The following SLC7A9 variants were observed in gnomAD, a reference collection of about 807,000 sequenced individuals.
SLC7A9 encodes B(0,+)-type amino acid transporter 1.
A neutral mutation model predicts 54.1 loss-of-function variants in SLC7A9; 38 were observed. The ratio of observed to expected loss-of-function variants is 0.70; its 90% confidence interval spans 0.54 to 0.92. The LOEUF is 0.92. SLC7A9 is among the 40% of genes least tolerant of loss of function. The pLI, the probability that SLC7A9 is intolerant of heterozygous loss-of-function variation, is 0.00. For synonymous variants in SLC7A9, 264 were observed against 258.9 expected, an observed-to-expected ratio of 1.02 and a Z score of -0.19; for missense variants, 537 against 636.1, an observed-to-expected ratio of 0.84 and a Z score of 1.68.
At chr19:32,839,100 C>T (rs1319548221) in intron 11 of SLC7A9, among the ~76,000 whole-genome samples, 1 of 152,092 alleles carries the variant, frequency 6.6e-6, no homozygotes, top group Non-Finnish European at 1.5e-5. Context: ...TGTGCTTTCT[C>T]TCGTCCATGT....
At chr19:32,862,894 A>G (rs1968848352) in intron 4 of SLC7A9, 1 of 196,030 alleles carries the variant, frequency 5.1e-6, no homozygotes, top group Non-Finnish European at 1.0e-5. Flanking sequence ...GAGCGCAGCT[A>G]CTCATATACC....
chr19:32,843,727 CTCTT>C (rs1968194270), intron 10 of SLC7A9, 124 bp downstream of exon 10: 1 of 713,974 alleles, frequency 1.4e-6, no homozygotes, highest in Non-Finnish European at 2.6e-6. Flanking sequence ...TGTCCTGGGA[CTCTT>C]TCTATATCTG....
intron 9 of SLC7A9, among the ~76,000 whole-genome samples, chr19:32,849,840 A>G: frequency 6.6e-6 from 1 of 151,202 alleles, no homozygotes; most frequent in African/African-American, 2.4e-5. Context: ...ACCATGATCA[A>G]GTGGGCTTCA....
Position 32,862,487 on chromosome 19 carries a change from A to G in SLC7A9, c.578T>C (p.Ile193Thr). ...TTGGGCCAGGAGCACCAGCCCGCTG[A>G]TGATGATGATGGCCACGATCACCAG... ...AKLVIVAIIIISGLVLLAQGN... is the reference protein window; with the variant it reads ...AKLVIVAIIITSGLVLLAQGN... The change falls in exon 5 of 13, where the codon ATC becomes ACC. Residue 193 changes from isoleucine (I) to threonine (T), a missense_variant. By Grantham distance (89) the Ile-to-Thr change is moderately conservative (BLOSUM62 -1). Transcript: ENST00000023064. 1.2e-6 allele frequency: 2 copies of G among 1,603,376 alleles called. No homozygotes were observed. Among genetic ancestry groups the G allele is most frequent in the Non-Finnish European group, 1.7e-6 (2 of 1,171,540 alleles).
At position 32,852,272 on chromosome 19, in the gene SLC7A9, C is replaced by A. The variant is rs184292687; in HGVS notation, c.977+6168G>T. Among the ~76,000 whole-genome samples, 429 of 152,142 alleles carry A rather than the reference C, an allele frequency of 2.8e-3. 1 individual carries two copies. The highest frequency in any genetic ancestry group is 9.5e-3 in the African/African-American group (396 of 41,510). ...TTGGGAGGTTGAAGTGGGTGGATTG[C>A]TTGAGGCCGGGAGTTTGAGACCAGC... On this transcript the variant is annotated intron_variant, in intron 9 of 12. Transcript: ENST00000023064.
At chr19:32,844,964 A>C (rs1363168012) in intron 9 of SLC7A9, among the ~76,000 whole-genome samples, 1 of 150,448 alleles carries the variant, frequency 6.6e-6, no homozygotes, top group African/African-American at 2.4e-5. Flanking sequence ...GAAGTTCAAG[A>C]CCAGTCTGGC....
At chr19:32,843,710 T>C in intron 10 of SLC7A9, 145 bp downstream of exon 10, 1 of 682,312 alleles carries the variant, frequency 1.5e-6, no homozygotes, top group Non-Finnish European at 2.7e-6. Flanking sequence ...GGGTATGTTG[T>C]TTCACTTGTC....
chr19:32,863,948 T>G, intron 4 of SLC7A9, 148 bp downstream of exon 4: 1 of 1,293,840 alleles, frequency 7.7e-7, no homozygotes, highest in Non-Finnish European at 1.1e-6. Flanking sequence ...GTCCCCAGTG[T>G]GCAGCACCCA....
intron 6 of SLC7A9, among the ~76,000 whole-genome samples, chr19:32,861,817 AAAAAC>A (rs538333279): frequency 2.0e-5 from 3 of 152,128 alleles, no homozygotes; most frequent in East Asian, 1.9e-4. Context: ...CCTGTCTTAA[AAAAAC>A]AAAACAAAAC....
At chr19:32,842,073 T>C in intron 11 of SLC7A9, 95 bp downstream of exon 11, 1 of 1,207,226 alleles carries the variant, frequency 8.3e-7, no homozygotes. Context: ...CAAGTCAGAT[T>C]GGAACTAGAA....
chr19:32,853,363 G>C (rs1278596543), intron 9 of SLC7A9, among the ~76,000 whole-genome samples: 1 of 152,182 alleles, frequency 6.6e-6, no homozygotes, highest in Non-Finnish European at 1.5e-5. Flanking sequence ...ATTGGATTGT[G>C]ATGTTTGTAC....
At chr19:32,845,811 C>T (rs964134464) in intron 9 of SLC7A9, among the ~76,000 whole-genome samples, 1 of 152,176 alleles carries the variant, frequency 6.6e-6, no homozygotes, top group African/African-American at 2.4e-5. Context: ...AGTTCGAGAC[C>T]AGCCTGGCCA....
At chr19:32,844,025 T>C in intron 9 of SLC7A9, 74 bp from the exon 10 acceptor site, 1 of 1,179,668 alleles carries the variant, frequency 8.5e-7, no homozygotes, top group South Asian at 1.2e-5. Context: ...GGACTTGTGC[T>C]CCGGGGTCCA....
At chr19:32,866,534 C>T (rs1447164391) in intron 2 of SLC7A9, among the ~76,000 whole-genome samples, 2 of 152,164 alleles carry the variant, frequency 1.3e-5, no homozygotes, top group Non-Finnish European at 2.9e-5. Context: ...AAGGGATCCT[C>T]CCACCTCAGC....
intron 11 of SLC7A9, among the ~76,000 whole-genome samples, chr19:32,837,933 C>T (rs1968012027): frequency 1.3e-5 from 2 of 151,966 alleles, no homozygotes; most frequent in Non-Finnish European, 2.9e-5. Context: ...AGCTAATAAG[C>T]AAAAAATAGC....
chr19:32,856,788 A>C (rs1376736464), intron 9 of SLC7A9, among the ~76,000 whole-genome samples: 2 of 152,058 alleles, frequency 1.3e-5, no homozygotes, highest in Admixed American at 6.6e-5. Flanking sequence ...TGTGGCCCAG[A>C]CTAGTCTCGA....
At chr19:32,849,122 G>T (rs1396548766) in intron 9 of SLC7A9, among the ~76,000 whole-genome samples, 1 of 151,944 alleles carries the variant, frequency 6.6e-6, no homozygotes, top group African/African-American at 2.4e-5. Context: ...ACAATTAAAA[G>T]AACTAGAAAA....
At chr19:32,857,613 C>T (rs1968665222) in intron 9 of SLC7A9, among the ~76,000 whole-genome samples, 1 of 152,120 alleles carries the variant, frequency 6.6e-6, no homozygotes, top group African/African-American at 2.4e-5. Context: ...CATACACAGA[C>T]TTTGTCAATT....
chr19:32,854,461 A>G (rs987876951), intron 9 of SLC7A9, among the ~76,000 whole-genome samples: 1 of 152,198 alleles, frequency 6.6e-6, no homozygotes, highest in African/African-American at 2.4e-5. Context: ...AGCTGCCAGA[A>G]TGAAATTGGA....
Sources: gnomAD v4.1 joint callset for allele counts (sites outside exome capture counted in the v4.1 genomes callset) on GRCh38, gnomAD v4.1.1 for gene constraint, MANE v1.5 for transcripts, NCBI Gene and HGNC (gene_info 2026-07-23, HGNC 2026-07-21) for gene names.